Variants in PCDH15 observed in about 807,000 individuals in gnomAD.
PCDH15 encodes the protein protocadherin related 15.
A neutral mutation model predicts 178.5 loss-of-function variants in PCDH15; 129 were observed. That is an observed-to-expected ratio of 0.72 (90% CI 0.63 to 0.84). The LOEUF is 0.84. Among genes scored for constraint, PCDH15 ranks in the 40% least tolerant of loss-of-function variants. The pLI, the probability that PCDH15 is intolerant of heterozygous loss-of-function variation, is 0.00. For synonymous variants in PCDH15, 800 were observed against 732.0 expected, an observed-to-expected ratio of 1.09 and a Z score of -1.50; for missense variants, 2,230 against 2,099.9, an observed-to-expected ratio of 1.06 and a Z score of -1.21.
At chr10:54,297,898 C>T (rs1331933216) in intron 8 of PCDH15, among the ~76,000 whole-genome samples, 2 of 152,148 alleles carry the variant, frequency 1.3e-5, no homozygotes, top group Admixed American at 6.5e-5. Context: ...GCTTTAGCTG[C>T]AGCCTGAGAG....
At chr10:54,762,927 T>C (rs1427761624) in intron 1 of PCDH15, among the ~76,000 whole-genome samples, 1 of 152,236 alleles carries the variant, frequency 6.6e-6, no homozygotes, top group African/African-American at 2.4e-5. Flanking sequence ...TTTTGTTTTC[T>C]TGAAATAATC....
At chr10:54,800,729 A>C (rs1281563143) in intron 1 of PCDH15, among the ~76,000 whole-genome samples, 196 bp downstream of exon 1, 1 of 152,286 alleles carries the variant, frequency 6.6e-6, no homozygotes, top group East Asian at 1.9e-4. Flanking sequence ...AGGAAGAATG[A>C]AAGGACAGGC....
At chr10:54,389,820 TG>T (rs1950335924) in intron 3 of PCDH15, among the ~76,000 whole-genome samples, 1 of 147,898 alleles carries the variant, frequency 6.8e-6, no homozygotes, top group African/African-American at 2.5e-5. Context: ...GGCATGGTGG[TG>T]GGCGCCTGTA....
intron 2 of PCDH15, among the ~76,000 whole-genome samples, chr10:55,041,900 T>C (rs568161111): frequency 5.3e-5 from 8 of 152,204 alleles, no homozygotes; most frequent in Admixed American, 5.2e-4. Context: ...CTAAATAGAA[T>C]ACAAATACAT....
intron 21 of PCDH15, among the ~76,000 whole-genome samples, chr10:53,984,148 C>CTTTTTTTTTTTTTT (rs66540462): frequency 7.1e-4 from 45 of 63,548 alleles, no homozygotes; most frequent in African/African-American, 1.2e-3. Flanking sequence ...TTTTTCTTTT[C>CTTTTTTTTTTTTTT]TTTTTTTTTT....
intron 2 of PCDH15, among the ~76,000 whole-genome samples, chr10:55,514,504 A>G (rs1400086008): frequency 6.6e-6 from 1 of 152,208 alleles, no homozygotes; most frequent in African/African-American, 2.4e-5. Context: ...ATCTAAAGAT[A>G]CATGGGAAAT....
intron 1 of PCDH15, among the ~76,000 whole-genome samples, chr10:55,185,428 T>G (rs1839768862): frequency 6.6e-6 from 1 of 151,764 alleles, no homozygotes; most frequent in African/African-American, 2.4e-5. Flanking sequence ...CTCAGAATCT[T>G]TATTAAAAGA....
chr10:55,360,052 C>A (rs2131977437), intron 2 of PCDH15, among the ~76,000 whole-genome samples: 1 of 151,884 alleles, frequency 6.6e-6, no homozygotes, highest in South Asian at 2.1e-4. Context: ...AGAACAAGTT[C>A]TAGAGATCTA....
intron 2 of PCDH15, among the ~76,000 whole-genome samples, chr10:55,566,133 G>T (rs889490644): frequency 5.3e-5 from 8 of 151,390 alleles, no homozygotes; most frequent in African/African-American, 1.7e-4. Context: ...AATATTAATG[G>T]AAATCAAAGA....
At chr10:54,498,304 G>A (rs1366738290) in intron 3 of PCDH15, among the ~76,000 whole-genome samples, 1 of 152,024 alleles carries the variant, frequency 6.6e-6, no homozygotes, top group Non-Finnish European at 1.5e-5. Context: ...GGTCCATCAG[G>A]GAGTGGCAAA....
At chr10:53,819,134 TTTTACCAAA>T (rs1244637061) in intron 33 of PCDH15, among the ~76,000 whole-genome samples, 3 of 151,972 alleles carry the variant, frequency 2.0e-5, no homozygotes, top group African/African-American at 7.2e-5. Context: ...CATTTTCAAC[TTTTACCAAA>T]TTTATATTTT....
chr10:54,123,014 T>A (rs992787528), intron 15 of PCDH15, among the ~76,000 whole-genome samples: 1 of 152,094 alleles, frequency 6.6e-6, no homozygotes, highest in African/African-American at 2.4e-5. Context: ...CATACAAAAA[T>A]TAACTCAAGA....
intron 1 of PCDH15, among the ~76,000 whole-genome samples, chr10:54,743,971 TTGGCTTGAGA>T (rs1945145333): frequency 1.3e-5 from 2 of 152,118 alleles, no homozygotes; most frequent in Admixed American, 1.3e-4. Context: ...AGCTTGATAG[TTGGCTTGAGA>T]TTAATCACAC....
chr10:55,142,237 A>G (rs1208950961), intron 2 of PCDH15, among the ~76,000 whole-genome samples: 1 of 152,094 alleles, frequency 6.6e-6, no homozygotes, highest in Non-Finnish European at 1.5e-5. Flanking sequence ...TTATCATCTT[A>G]TTATAGAAAA....
chr10:54,382,524 C>T (rs941377137), intron 3 of PCDH15, among the ~76,000 whole-genome samples: 13 of 152,120 alleles, frequency 8.5e-5, no homozygotes, highest in African/African-American at 2.9e-4. Context: ...CTGTGACATG[C>T]TTCTACCCCA....
chr10:54,329,462 T>G (rs1174123080), intron 7 of PCDH15, 134 bp downstream of exon 7: 10 of 667,868 alleles, frequency 1.5e-5, no homozygotes, highest in Non-Finnish European at 2.7e-5. Context: ...GTATTATATA[T>G]AAACACCAAG....
chr10:55,448,085 A>T (rs1334631512), intron 2 of PCDH15, among the ~76,000 whole-genome samples: 1 of 152,048 alleles, frequency 6.6e-6, no homozygotes, highest in Non-Finnish European at 1.5e-5. Context: ...AAATCTGGAT[A>T]CATATTACTT....
chr10:54,112,985 G>A (rs2095052522), intron 15 of PCDH15, among the ~76,000 whole-genome samples: 1 of 152,022 alleles, frequency 6.6e-6, no homozygotes, highest in African/African-American at 2.4e-5. Context: ...AGCTTACTGG[G>A]GAATGAAATA....
intron 2 of PCDH15, among the ~76,000 whole-genome samples, chr10:55,585,545 C>T (rs770144110): frequency 3.9e-5 from 6 of 151,926 alleles, no homozygotes; most frequent in East Asian, 1.9e-4. Flanking sequence ...GGCATGGTGG[C>T]GGGCGCCTGT....
Sources: allele counts gnomAD v4.1 joint callset (sites outside exome capture counted in the v4.1 genomes callset), GRCh38; gene constraint gnomAD v4.1.1; transcripts MANE v1.5; gene names NCBI Gene and HGNC (gene_info 2026-07-23, HGNC 2026-07-21).